Variants in TSPAN2 observed in about 807,000 individuals in gnomAD.
TSPAN2 encodes the protein tetraspanin 2, also known as tetraspanin-2.
A neutral mutation model predicts 33.3 loss-of-function variants in TSPAN2; 24 were observed. The observed-to-expected ratio is 0.72, with a 90% CI of 0.52 to 1.01. The LOEUF (loss-of-function observed/expected upper bound fraction) is 1.01. Ranked by LOEUF, TSPAN2 falls within the 50% of genes least tolerant of loss-of-function variation. TSPAN2 has a pLI of 0.00. For missense variants in TSPAN2, 278 were observed against 281.3 expected, an observed-to-expected ratio of 0.99 and a Z score of 0.08; for synonymous variants, 114 against 104.5, an observed-to-expected ratio of 1.09 and a Z score of -0.56.
chr1:115,059,976 C>A (rs1647639040), intron 4 of TSPAN2, among the ~76,000 whole-genome samples: 1 of 152,168 alleles, frequency 6.6e-6, no homozygotes, highest in Admixed American at 6.5e-5. Flanking sequence ...CTGTGTGTCC[C>A]CCCGATAACC....
At chr1:115,074,261 T>C (rs145616354) in intron 1 of TSPAN2, among the ~76,000 whole-genome samples, 1 of 152,272 alleles carries the variant, frequency 6.6e-6, no homozygotes, top group Non-Finnish European at 1.5e-5. Context: ...ACTTCTGTCT[T>C]GCCAGGCAGC....
intron 1 of TSPAN2, among the ~76,000 whole-genome samples, chr1:115,079,124 T>A (rs1648522677): frequency 7.6e-6 from 1 of 131,542 alleles, no homozygotes; most frequent in Non-Finnish European, 1.6e-5. Context: ...ATGAACACAA[T>A]ACAATTATAG....
At chr1:115,061,834 G>T (rs889203277) in intron 3 of TSPAN2, among the ~76,000 whole-genome samples, 1 of 151,924 alleles carries the variant, frequency 6.6e-6, no homozygotes, top group Non-Finnish European at 1.5e-5. Context: ...CATCACACCC[G>T]GTAGAGACTA....
At chr1:115,075,298 C>T (rs1648360026) in intron 1 of TSPAN2, among the ~76,000 whole-genome samples, 1 of 152,230 alleles carries the variant, frequency 6.6e-6, no homozygotes, top group Non-Finnish European at 1.5e-5. Context: ...ACACGGGTTT[C>T]CTCCTGGGTC....
intron 6 of TSPAN2, 78 bp downstream of exon 6, chr1:115,057,459 C>G (rs888778669): frequency 2.2e-6 from 3 of 1,394,130 alleles, no homozygotes; most frequent in Non-Finnish European, 3.1e-6. Flanking sequence ...AGATCCCATC[C>G]GAGATTCTAC....
intron 1 of TSPAN2, 57 bp from the exon 2 acceptor site, chr1:115,073,064 C>T (rs1029097004): frequency 2.0e-5 from 29 of 1,443,254 alleles, no homozygotes; most frequent in Non-Finnish European, 2.5e-5. Flanking sequence ...TGCACAGATC[C>T]GAGAGCAGGC....
rs1160540783 is a variant in TSPAN2, at chr1:115,089,358, T to C, written c.69+6A>G. ...CCTGACCGGCCCTCCCGGCTCCTGG[T>C]CTCACCCAGAAGAGCAGGTTGAAGC... On this transcript the variant is annotated splice_donor_region_variant and intron_variant, in intron 1 of 7. Transcript: ENST00000369516. 6.3e-7 allele frequency: 1 copy of C among 1,576,170 alleles called. No homozygotes were observed. The highest frequency in any genetic ancestry group is 8.6e-7 in the Non-Finnish European group (1 of 1,161,492).
chr1:115,069,072 T>C (rs539254677), intron 2 of TSPAN2, among the ~76,000 whole-genome samples: 116 of 152,304 alleles, frequency 7.6e-4, no homozygotes, highest in African/African-American at 2.5e-3. Context: ...TCTCTGAACT[T>C]TGAGCATGGA....
At chr1:115,084,836 T>G (rs1409005597) in intron 1 of TSPAN2, among the ~76,000 whole-genome samples, 1 of 152,192 alleles carries the variant, frequency 6.6e-6, no homozygotes, top group Non-Finnish European at 1.5e-5. Context: ...TTCTTAAATG[T>G]ACCTGTTAGG....
intron 2 of TSPAN2, among the ~76,000 whole-genome samples, chr1:115,066,031 A>C (rs948399911): frequency 6.6e-6 from 1 of 152,170 alleles, no homozygotes; most frequent in Non-Finnish European, 1.5e-5. Context: ...TGTTTCACTT[A>C]ACACAATGGC....
chr1:115,073,531 C>CGTGACCTT (rs1648275726), intron 1 of TSPAN2, among the ~76,000 whole-genome samples: 3 of 152,016 alleles, frequency 2.0e-5, no homozygotes, highest in Admixed American at 2.0e-4. Context: ...ACCCACACCT[C>CGTGACCTT]GTGAGTGCAC....
intron 2 of TSPAN2, among the ~76,000 whole-genome samples, chr1:115,065,083 C>A (rs1260940015): frequency 6.6e-6 from 1 of 152,224 alleles, no homozygotes; most frequent in Non-Finnish European, 1.5e-5. Flanking sequence ...ACTTTGAGGC[C>A]ACTTCTCAGC....
At chr1:115,057,679 A>C in intron 5 of TSPAN2, 71 bp from the exon 6 acceptor site, 1 of 1,469,708 alleles carries the variant, frequency 6.8e-7, no homozygotes, top group South Asian at 1.1e-5. Context: ...GCACCCTGCT[A>C]AGGACTGGGG....
chr1:115,087,720 C>T (rs1234436119), intron 1 of TSPAN2, among the ~76,000 whole-genome samples: 1 of 151,924 alleles, frequency 6.6e-6, no homozygotes, highest in Non-Finnish European at 1.5e-5. Flanking sequence ...AGCCTGTTTC[C>T]TCATCTGTAA....
chr1:115,084,668 A>G (rs536913140), intron 1 of TSPAN2, among the ~76,000 whole-genome samples: 1 of 152,330 alleles, frequency 6.6e-6, no homozygotes, highest in South Asian at 2.1e-4. Flanking sequence ...TCTCCAAAGA[A>G]TACTTTCTTT....
intron 2 of TSPAN2, among the ~76,000 whole-genome samples, chr1:115,070,122 G>C (rs530260621): frequency 6.6e-6 from 1 of 152,118 alleles, no homozygotes; most frequent in East Asian, 1.9e-4. Context: ...CCCTCTGATG[G>C]AGCGGGGGCC....
intron 1 of TSPAN2, among the ~76,000 whole-genome samples, chr1:115,088,035 A>G (rs1187305111): frequency 1.3e-5 from 2 of 152,222 alleles, no homozygotes; most frequent in African/African-American, 4.8e-5. Context: ...TTCCTAAAAA[A>G]TACAACATAA....
chr1:115,067,759 C>T (rs1409431507), intron 2 of TSPAN2, among the ~76,000 whole-genome samples: 1 of 152,156 alleles, frequency 6.6e-6, no homozygotes, highest in Non-Finnish European at 1.5e-5. Context: ...GTGGGCAACC[C>T]CTTCTTGGAG....
At chr1:115,089,256 T>A in intron 1 of TSPAN2, 108 bp downstream of exon 1, 1 of 945,662 alleles carries the variant, frequency 1.1e-6, no homozygotes, top group Non-Finnish European at 1.5e-6. Context: ...CACCCAGCCC[T>A]CCCCACGAGC....
Sources: gnomAD v4.1 joint callset for allele counts (sites outside exome capture counted in the v4.1 genomes callset) on GRCh38, gnomAD v4.1.1 for gene constraint, MANE v1.5 for transcripts, NCBI Gene and HGNC (gene_info 2026-07-23, HGNC 2026-07-21) for gene names.